ADARB2: variants seen among roughly 807,000 people sequenced by gnomAD.
ADARB2 encodes inactive double-stranded RNA-specific editase B2.
ADARB2 carries 25 observed loss-of-function variants against 62.2 expected under a neutral mutation model. The ratio of observed to expected loss-of-function variants is 0.40; its 90% CI spans 0.29 to 0.56. The LOEUF is 0.56. ADARB2 is among the 20% of genes least tolerant of loss of function. The pLI is 0.43. For missense variants in ADARB2, 1,071 were observed against 1,077.4 expected (o/e 0.99, Z 0.08); for synonymous variants, 572 against 500.8 (o/e 1.14, Z -1.90).
intron 1 of ADARB2, among the ~76,000 whole-genome samples, chr10:1,431,943 T>C (rs1033685433): frequency 6.6e-6 from 1 of 152,208 alleles, no homozygotes. Flanking sequence ...AGTGAACTCA[T>C]AATTTAAAAT....
At chr10:1,715,664 G>T (rs1835007968) in intron 1 of ADARB2, among the ~76,000 whole-genome samples, 1 of 152,170 alleles carries the variant, frequency 6.6e-6, no homozygotes, top group Admixed American at 6.5e-5. Flanking sequence ...TTTTCAAGCA[G>T]TTGAAACTAA....
intron 6 of ADARB2, 29 bp downstream of exon 6, chr10:1,233,665 C>A: frequency 6.3e-7 from 1 of 1,588,320 alleles, no homozygotes; most frequent in Non-Finnish European, 8.6e-7. Context: ...GGCTGTTGGC[C>A]TACAGAAGGT....
At chr10:1,583,099 C>T (rs10794765) in intron 1 of ADARB2, among the ~76,000 whole-genome samples, 27,065 of 152,178 alleles carry the variant, frequency 0.18, 2,635 homozygotes, top group Non-Finnish European at 0.21. Context: ...GGATTAAGGA[C>T]GAACAATTTT....
At chr10:1,669,613 G>C in intron 1 of ADARB2, among the ~76,000 whole-genome samples, 1 of 145,576 alleles carries the variant, frequency 6.9e-6, no homozygotes, top group Non-Finnish European at 1.5e-5. Flanking sequence ...CTCATACAGA[G>C]ACACACAGAC....
chr10:1,526,817 C>T, intron 1 of ADARB2: 1 of 517,756 alleles, frequency 1.9e-6, no homozygotes, highest in African/African-American at 1.9e-5. Flanking sequence ...CCCTGACTCA[C>T]GCACTTGGTG....
At chr10:1,233,928 T>G (rs961922113) in intron 5 of ADARB2, 83 bp from the exon 6 acceptor site, 34 of 1,409,898 alleles carry the variant, frequency 2.4e-5, no homozygotes, top group African/African-American at 4.5e-5. Flanking sequence ...GAGTCCTGTT[T>G]TGTAGAGTTG....
intron 3 of ADARB2, among the ~76,000 whole-genome samples, chr10:1,309,850 C>T (rs946261208): frequency 1.3e-5 from 2 of 152,212 alleles, no homozygotes; most frequent in East Asian, 3.9e-4. Context: ...TATTTTAATT[C>T]AGGACATTAC....
At chr10:1,240,600 T>C (rs1830909281) in intron 5 of ADARB2, 1 of 152,490 alleles carries the variant, frequency 6.6e-6, no homozygotes, top group Non-Finnish European at 1.5e-5. Flanking sequence ...TTGGCAAATG[T>C]ATCCCAAGCC....
intron 3 of ADARB2, among the ~76,000 whole-genome samples, chr10:1,349,342 G>T (rs552808019): frequency 6.6e-6 from 1 of 151,880 alleles, no homozygotes; most frequent in South Asian, 2.1e-4. Context: ...GACTCAGCCC[G>T]CCTGCAACCA....
chr10:1,332,424 A>T (rs183370852), intron 3 of ADARB2, among the ~76,000 whole-genome samples: 2,615 of 151,420 alleles, frequency 0.017, 39 homozygotes, highest in Non-Finnish European at 0.025. Flanking sequence ...TCAGAAAAAA[A>T]AAAAAAATAA....
chr10:1,458,607 C>T (rs1313779969), intron 1 of ADARB2, among the ~76,000 whole-genome samples: 1 of 152,192 alleles, frequency 6.6e-6, no homozygotes, highest in Non-Finnish European at 1.5e-5. Context: ...GGGTCCACCG[C>T]TATGGCTTCC....
chr10:1,243,956 G>A (rs1293207047), intron 4 of ADARB2, among the ~76,000 whole-genome samples: 3 of 152,166 alleles, frequency 2.0e-5, no homozygotes, highest in African/African-American at 2.4e-5. Context: ...ACTTCCCCAC[G>A]CCGCTTTAAT....
At chr10:1,438,775 AGG>A (rs1830865853) in intron 1 of ADARB2, among the ~76,000 whole-genome samples, 150 of 139,590 alleles carry the variant, frequency 1.1e-3, no homozygotes, top group Admixed American at 1.4e-3. Context: ...AGTCTCTCCC[AGG>A]ATGGAGGCAG....
In ADARB2 at chr10:1,670,253, A is replaced by G. The variant is rs74471435; in HGVS notation, c.100+66798T>C. Among the ~76,000 whole-genome samples the G allele has an allele frequency of 3.4e-3, 515 of 152,348 alleles. 4 individuals are homozygous for G. Among genetic ancestry groups the G allele is most frequent in the African/African-American group, 0.012 (487 of 41,584 alleles). On this transcript the variant is annotated intron_variant, in intron 1 of 9. Coordinates refer to ENST00000381312, the MANE Select transcript of ADARB2 (RefSeq NM_018702.4). ...GTTTGTGTCATAGTAAGTTAAAGAG[A>G]TAGTATTTGGAAGGTTTTGCATCAA... is the stretch of plus-strand genomic sequence containing the variant.
intron 1 of ADARB2, among the ~76,000 whole-genome samples, chr10:1,696,904 C>T (rs2119135134): frequency 6.6e-6 from 1 of 152,302 alleles, no homozygotes; most frequent in South Asian, 2.1e-4. Context: ...ACATGCAGCC[C>T]ATGATGGCTT....
intron 1 of ADARB2, among the ~76,000 whole-genome samples, chr10:1,464,191 G>C (rs1008605498): frequency 2.8e-5 from 4 of 141,954 alleles, no homozygotes; most frequent in South Asian, 4.7e-4. Context: ...CCGGAGAAGA[G>C]GGTGGACACA....
chr10:1,634,889 C>T (rs1029502784), intron 1 of ADARB2, among the ~76,000 whole-genome samples: 5 of 152,152 alleles, frequency 3.3e-5, no homozygotes, highest in African/African-American at 1.2e-4. Context: ...CCAGAACAAA[C>T]ATTTTTTAAT....
intron 1 of ADARB2, among the ~76,000 whole-genome samples, chr10:1,462,830 ATG>A (rs1216237101): frequency 2.0e-5 from 3 of 152,026 alleles, no homozygotes; most frequent in Non-Finnish European, 1.5e-5. Context: ...TGTAGTGTGC[ATG>A]TGTGTATGTA....
At position 1,696,953 on chromosome 10, in the gene ADARB2, T is replaced by A. The variant is rs1457010147; in HGVS notation, c.100+40098A>T. Among the ~76,000 whole-genome samples the A allele has an allele frequency of 3.4e-5, 5 of 147,872 alleles. No homozygotes were observed. In the South Asian group the frequency reaches 1.1e-3, roughly 33 times the overall value. ...CAAATTTGTAAGCTTTCTTAAAACA[T>A]GATGAGATTATTTTGTGATTTTTTT... On this transcript the variant is annotated intron_variant, in intron 1 of 9. Transcript: ENST00000381312.
Sources: gnomAD v4.1 joint callset for allele counts (sites outside exome capture counted in the v4.1 genomes callset) on GRCh38, gnomAD v4.1.1 for gene constraint, MANE v1.5 for transcripts, NCBI Gene and HGNC (gene_info 2026-07-23, HGNC 2026-07-21) for gene names.